FIGNL2: variants seen among roughly 807,000 people sequenced by gnomAD.
The protein encoded by FIGNL2 is fidgetin-like protein 2.
For synonymous variants in FIGNL2, 565 were observed against 484.0 expected (o/e 1.17, Z -2.20); for missense variants, 1,060 against 950.2 (o/e 1.12, Z -1.52).
intron 1 of FIGNL2, among the ~76,000 whole-genome samples, chr12:51,823,011 C>T (rs1453783433): frequency 6.6e-6 from 1 of 152,234 alleles, no homozygotes; most frequent in Non-Finnish European, 1.5e-5. Context: ...CCGTGTGGGC[C>T]TGAGGTCAGA....
chr12:51,843,123 C>T (rs1006311583), intron 1 of FIGNL2, among the ~76,000 whole-genome samples: 7 of 152,290 alleles, frequency 4.6e-5, no homozygotes, highest in African/African-American at 1.7e-4. Context: ...CATAGGTGTC[C>T]ACTGCATGTG....
intron 1 of FIGNL2, among the ~76,000 whole-genome samples, chr12:51,826,575 G>A (rs1939348860): frequency 1.3e-5 from 2 of 150,432 alleles, no homozygotes; most frequent in Admixed American, 1.3e-4. Context: ...GGAGGTGGAG[G>A]TTGCAGTGAG....
chr12:51,845,710 G>A (rs1592197257), intron 1 of FIGNL2: 1 of 978,748 alleles, frequency 1.0e-6, no homozygotes. Flanking sequence ...CTCCCTGGCT[G>A]ACCGACGGCA....
intron 1 of FIGNL2, among the ~76,000 whole-genome samples, chr12:51,843,115 T>C (rs747791128): frequency 2.7e-4 from 41 of 152,284 alleles, no homozygotes; most frequent in South Asian, 6.2e-4. Context: ...GCCTGGTCCA[T>C]AGGTGTCCAC....
intron 1 of FIGNL2, among the ~76,000 whole-genome samples, chr12:51,841,067 A>T (rs1434329656): frequency 1.3e-5 from 2 of 152,218 alleles, no homozygotes; most frequent in African/African-American, 2.4e-5. Flanking sequence ...AGGAGTCCCC[A>T]GCAGCTGCCT....
intron 1 of FIGNL2, among the ~76,000 whole-genome samples, chr12:51,823,883 T>C (rs1939277213): frequency 6.6e-6 from 1 of 152,102 alleles, no homozygotes; most frequent in African/African-American, 2.4e-5. Context: ...ATGGCCTCTG[T>C]GAAGTGAGAA....
intron 1 of FIGNL2, chr12:51,848,165 T>C: frequency 1.0e-6 from 1 of 984,124 alleles, no homozygotes; most frequent in Non-Finnish European, 1.2e-6. Context: ...CTCCGGACGC[T>C]GGATCCTTCT....
intron 1 of FIGNL2, chr12:51,847,910 C>T: frequency 1.2e-6 from 1 of 848,916 alleles, no homozygotes; most frequent in Non-Finnish European, 1.4e-6. Context: ...TGAGTACAGC[C>T]TCCTACAACC....
intron 1 of FIGNL2, among the ~76,000 whole-genome samples, chr12:51,845,994 G>C (rs541503845): frequency 3.9e-5 from 6 of 152,202 alleles, no homozygotes; most frequent in Admixed American, 2.0e-4. Context: ...GAGAGGAGGA[G>C]CCCCACCCAG....
At chr12:51,837,604 T>C (rs1939599796) in intron 1 of FIGNL2, among the ~76,000 whole-genome samples, 1 of 152,126 alleles carries the variant, frequency 6.6e-6, no homozygotes, top group African/African-American at 2.4e-5. Context: ...TCTCCTCTCC[T>C]CCCCACCCCC....
Position 51,820,471 on chromosome 12 carries a change from A to AT in FIGNL2, c.1942dup (p.Met648AsnfsTer32). The AT allele has an allele frequency of 6.3e-7, 1 of 1,590,722 alleles. No individual in the cohort carries two copies. The highest frequency in any genetic ancestry group is 8.5e-7 in the Non-Finnish European group (1 of 1,176,154). On this transcript the variant is annotated frameshift_variant, in exon 2 of 2. Coordinates refer to ENST00000618634, the MANE Select transcript of FIGNL2 (RefSeq NM_001384995.1). LOFTEE classifies it high-confidence loss of function. ...GCGCCGTCAGTGTCCGGAGCCGTAC[A>AT]TTTTGTCCCACTCCACGAACGAGTC... is the stretch of plus-strand genomic sequence containing the variant.
chr12:51,818,403 TGA>T lies in FIGNL2; in HGVS notation c.*2047_*2048del, dbSNP rs994854016. Reference sequence around the variant, plus strand: ...CCCCACCCCCCAATACATACACACCTGAGAGAGAACCCCTCACTCCATGCTCC... The same window carrying T: ...CCCCACCCCCCAATACATACACACCTGAGAGAACCCCTCACTCCATGCTCC... On this transcript the variant is annotated 3_prime_UTR_variant, in exon 2 of 2. Transcript: ENST00000618634. 6 of 128,718 alleles carry T rather than the reference TGA, an allele frequency of 4.7e-5. No individual in the cohort carries two copies. Among genetic ancestry groups the T allele is most frequent in the African/African-American group, 1.5e-4 (5 of 34,126 alleles). The allele number at this position is 128,718 out of a possible 1,614,324, so 8.0% of individuals were successfully genotyped here.
chr12:51,821,551 G>T lies in FIGNL2; in HGVS notation c.863C>A (p.Ala288Asp), dbSNP rs950017677. 2.6e-6 allele frequency: 4 copies of T among 1,551,444 alleles called. No individual in the cohort carries two copies. Among genetic ancestry groups the T allele is most frequent in the Admixed American group, 1.8e-5 (1 of 55,814 alleles). Residue 288 changes from alanine (A) to aspartate (D), a missense_variant, in exon 2 of 2, where the codon GCC (alanine) becomes GAC (aspartate). Coordinates refer to ENST00000618634, the MANE Select transcript of FIGNL2 (RefSeq NM_001384995.1). ...YRKYAYEPAK[A>D]PVADGASYPA... ...GTAGGAGGCTCCGTCAGCCACGGGGGCCTTGGCGGGCTCGTACGCGTACTT... is the reference window on the plus strand; with the variant it reads ...GTAGGAGGCTCCGTCAGCCACGGGGTCCTTGGCGGGCTCGTACGCGTACTT...
intron 1 of FIGNL2, among the ~76,000 whole-genome samples, chr12:51,842,888 A>G (rs903111263): frequency 2.0e-5 from 3 of 152,246 alleles, no homozygotes; most frequent in African/African-American, 7.2e-5. Context: ...GGTCCCCAAC[A>G]TCTTGTGAGC....
intron 1 of FIGNL2, among the ~76,000 whole-genome samples, chr12:51,837,075 G>A (rs1457035109): frequency 6.6e-6 from 1 of 152,106 alleles, no homozygotes; most frequent in Non-Finnish European, 1.5e-5. Flanking sequence ...GCCTTGGGAG[G>A]GGACACAGCA....
intron 1 of FIGNL2, chr12:51,828,334 C>T (rs1306748005): frequency 6.6e-6 from 1 of 152,210 alleles, no homozygotes; most frequent in East Asian, 1.9e-4. Flanking sequence ...CTCAAACTGC[C>T]TGGTTTGGGG....
chr12:51,821,978 C>T lies in FIGNL2; in HGVS notation c.436G>A (p.Gly146Ser), dbSNP rs1387300150. ...AGNLPEPLYA[G>S]NACGGPSAAP... ...GCCGATGGGCCCCCGCACGCATTGC[C>T]GGCGTAGAGGGGTTCAGGGAGGTTC... Residue 146 changes from glycine to serine, a missense_variant, in exon 2 of 2, where the codon GGC (glycine) becomes AGC (serine). By Grantham distance (56) the Gly-to-Ser change is moderately conservative. Transcript: ENST00000618634. The T allele has an allele frequency of 1.9e-6, 3 of 1,566,056 alleles. No homozygotes were observed. The highest frequency in any genetic ancestry group is 1.9e-5 in the Admixed American group (1 of 53,152).
At chr12:51,848,363 A>C in intron 1 of FIGNL2, 177 bp downstream of exon 1, 1 of 976,090 alleles carries the variant, frequency 1.0e-6, no homozygotes, top group Non-Finnish European at 1.2e-6. Context: ...GCTCCCACGT[A>C]CCCGCTAGGG....
In FIGNL2 at chr12:51,847,662, C is replaced by G. The variant is rs1939780996; in HGVS notation, c.-12+878G>C. 2.2e-5 allele frequency: 22 copies of G among 985,292 alleles called. No homozygotes were observed. The South Asian group carries it at 8.5e-4, about 38-fold the overall frequency. 61.0% of individuals were successfully genotyped at this position (985,292 alleles called of 1,614,324 possible). On this transcript the variant is annotated intron_variant, in intron 1 of 1. Transcript: ENST00000618634. ...GCGCAGACCCCTTCCCAGGCCTCCTCCTCTGGCGGGGGCAGGGGGACCAGC... is the reference window on the plus strand; with the variant it reads ...GCGCAGACCCCTTCCCAGGCCTCCTGCTCTGGCGGGGGCAGGGGGACCAGC...
Sources: allele counts gnomAD v4.1 joint callset (sites outside exome capture counted in the v4.1 genomes callset), GRCh38; gene constraint gnomAD v4.1.1; transcripts MANE v1.5; gene names NCBI Gene and HGNC (gene_info 2026-07-23, HGNC 2026-07-21).